IQCK: variants seen among roughly 807,000 people sequenced by gnomAD.
IQCK encodes IQ motif containing K.
In IQCK, 29 loss-of-function variants were observed where a neutral mutation model predicts 28.1. The observed-to-expected ratio is 1.03, with a 90% confidence interval of 0.77 to 1.41. The LOEUF (loss-of-function observed/expected upper bound fraction) is 1.41, where lower values mean the gene tolerates loss of function less well. Among genes scored for constraint, IQCK ranks in the 40% most tolerant of loss-of-function variants. The pLI is 0.00. For synonymous variants in IQCK, 113 were observed against 115.1 expected, an observed-to-expected ratio of 0.98 and a Z score of 0.12; for missense variants, 359 against 314.7, an observed-to-expected ratio of 1.14 and a Z score of -1.07.
chr16:19,814,044 C>A (rs1420615381), intron 7 of IQCK, among the ~76,000 whole-genome samples: 2 of 151,646 alleles, frequency 1.3e-5, no homozygotes, highest in African/African-American at 4.8e-5. Flanking sequence ...GTGGTGAAAC[C>A]CTGTCTCTAC....
chr16:19,805,113 A>ACAGC (rs1232693133), intron 7 of IQCK, among the ~76,000 whole-genome samples: 2 of 151,710 alleles, frequency 1.3e-5, no homozygotes, highest in Non-Finnish European at 2.9e-5. Context: ...TCCTCCGGGG[A>ACAGC]CAGCCAGCCA....
intron 6 of IQCK, among the ~76,000 whole-genome samples, chr16:19,779,664 A>AT (rs1189692764): frequency 2.6e-5 from 4 of 151,566 alleles, no homozygotes; most frequent in South Asian, 2.1e-4. Context: ...TATCCTCGTT[A>AT]TTTTTTTAAA....
intron 9 of IQCK, among the ~76,000 whole-genome samples, chr16:19,854,289 T>C (rs1463785958): frequency 6.6e-6 from 1 of 152,250 alleles, no homozygotes; most frequent in East Asian, 1.9e-4. Flanking sequence ...GGAGGCCTTG[T>C]TAAACTGTAG....
chr16:19,759,858 C>A (rs2055111798), intron 4 of IQCK, among the ~76,000 whole-genome samples: 1 of 152,096 alleles, frequency 6.6e-6, no homozygotes, highest in South Asian at 2.1e-4. Flanking sequence ...TGGTGCATGC[C>A]TGTAGTCCCA....
chr16:19,760,326 A>G (rs1282188496), intron 4 of IQCK, among the ~76,000 whole-genome samples: 13 of 152,156 alleles, frequency 8.5e-5, no homozygotes, highest in Non-Finnish European at 4.4e-5. Flanking sequence ...CTTATACCTG[A>G]AAGGTCCAGG....
intron 9 of IQCK, among the ~76,000 whole-genome samples, chr16:19,837,560 G>A (rs555609656): frequency 6.6e-6 from 1 of 152,298 alleles, no homozygotes; most frequent in East Asian, 1.9e-4. Flanking sequence ...AAGGGCTACT[G>A]TGAGGATTAA....
intron 7 of IQCK, among the ~76,000 whole-genome samples, chr16:19,802,919 GGAATA>G (rs1175509654): frequency 1.3e-5 from 2 of 152,084 alleles, no homozygotes; most frequent in Admixed American, 1.3e-4. Context: ...ACTCTGCTGA[GGAATA>G]AACACATACG....
At chr16:19,718,372 G>C (rs916173953) in exon 1 of IQCK, 1 of 1,609,062 alleles carries the variant, frequency 6.2e-7, no homozygotes, top group Non-Finnish European at 8.5e-7. Flanking sequence ...CTACAGACTC[G>C]TCGTTCACCC....
chr16:19,855,847 T>C (rs1021668487), intron 9 of IQCK, among the ~76,000 whole-genome samples: 44 of 152,170 alleles, frequency 2.9e-4, no homozygotes, highest in African/African-American at 9.4e-4. Flanking sequence ...GACAAAGATA[T>C]ATTAAAAGAG....
chr16:19,751,453 G>A lies in IQCK; in HGVS notation c.475-12395G>A, dbSNP rs368576048. ...TGATCACACCACTGCACTCCAGCTT[G>A]GGTGACAGAGCGAGACCCTATCTTT... is the stretch of plus-strand genomic sequence containing the variant. On this transcript the variant is annotated intron_variant, in intron 4 of 7. Coordinates refer to ENST00000564186, the Ensembl canonical transcript of IQCK. Among the ~76,000 whole-genome samples, 5 of 152,210 alleles carry A rather than the reference G, an allele frequency of 3.3e-5. No homozygotes were observed. In the East Asian group the frequency reaches 9.6e-4, roughly 29 times the overall value.
chr16:19,724,746 A>T (rs1246663175), intron 1 of IQCK, among the ~76,000 whole-genome samples: 1 of 151,990 alleles, frequency 6.6e-6, no homozygotes, highest in African/African-American at 2.4e-5. Context: ...GTTAGCCAGG[A>T]TGGTCTCAAT....
chr16:19,854,172 C>T (rs931084801), intron 9 of IQCK, among the ~76,000 whole-genome samples: 2 of 152,188 alleles, frequency 1.3e-5, no homozygotes, highest in African/African-American at 4.8e-5. Flanking sequence ...GAAACCCAGG[C>T]ACCAATAAAT....
rs116777188 is a variant in IQCK at position 19,761,523 on chromosome 16, G to A, written c.475-2325G>A. ...GGGAAGGATCTCTCCACATGGCAAC[G>A]AACACCTCTAGACTGACTTGATTCT... On this transcript the variant is annotated intron_variant, in intron 4 of 7. Coordinates refer to ENST00000564186, the Ensembl canonical transcript of IQCK. The A allele has an allele frequency of 1.8e-3, 766 of 420,596 alleles. 8 individuals carry two copies. The highest frequency in any genetic ancestry group is 0.011 in the African/African-American group (542 of 49,040). 26.1% of individuals were successfully genotyped at this position (420,596 alleles called of 1,614,324 possible).
chr16:19,804,831 G>A (rs1284677214), intron 7 of IQCK, among the ~76,000 whole-genome samples: 1 of 152,222 alleles, frequency 6.6e-6, no homozygotes, highest in Non-Finnish European at 1.5e-5. Context: ...GGTGAGCCCT[G>A]AGATGGCAGG....
At chr16:19,743,503 T>C (rs540519443) in intron 4 of IQCK, among the ~76,000 whole-genome samples, 2 of 152,354 alleles carry the variant, frequency 1.3e-5, no homozygotes, top group East Asian at 1.9e-4. Flanking sequence ...TCAGCACTTT[T>C]TGAGCCTTGC....
chr16:19,817,610 T>C (rs1217773357), intron 7 of IQCK, among the ~76,000 whole-genome samples: 3 of 152,200 alleles, frequency 2.0e-5, no homozygotes, highest in Admixed American at 1.3e-4. Flanking sequence ...GAAATGGATG[T>C]TTCTGTTTTT....
intron 4 of IQCK, among the ~76,000 whole-genome samples, chr16:19,753,665 C>G (rs1268202559): frequency 6.6e-6 from 1 of 152,000 alleles, no homozygotes; most frequent in African/African-American, 2.4e-5. Flanking sequence ...TTAAATAATA[C>G]AGAGGATTTA....
chr16:19,770,076 C>A (rs2055298687), intron 6 of IQCK, among the ~76,000 whole-genome samples: 1 of 152,006 alleles, frequency 6.6e-6, no homozygotes, highest in Admixed American at 6.6e-5. Context: ...GATATCCATG[C>A]CAGAAACATT....
Position 19,799,185 on chromosome 16 carries a change from A to G in IQCK, c.690+10263A>G, listed in dbSNP as rs1421783044. 8.5e-5 allele frequency among the ~76,000 whole-genome samples: 10 copies of G among 118,022 alleles called. 1 individual carries two copies. The highest frequency in any genetic ancestry group is 1.6e-4 in the Non-Finnish European group (10 of 64,454). 77.4% of individuals were successfully genotyped at this position (118,022 alleles called of 152,430 possible). ...TAAGCCTACTCTCTCTCCTTAATAT[A>G]TATTGGGAATATGTTTCATTATTGC... On this transcript the variant is annotated intron_variant, in intron 7 of 7. Transcript: ENST00000564186.
Sources: allele counts gnomAD v4.1 joint callset (sites outside exome capture counted in the v4.1 genomes callset), GRCh38; gene constraint gnomAD v4.1.1; transcripts MANE v1.5; gene names NCBI Gene and HGNC (gene_info 2026-07-23, HGNC 2026-07-21).